Variants in CTBS observed in about 807,000 individuals in gnomAD.
CTBS encodes di-N-acetylchitobiase.
CTBS carries 35 observed loss-of-function variants against 44.3 expected under a neutral mutation model. The ratio of observed to expected loss-of-function variants is 0.79; its 90% CI spans 0.60 to 1.05. The LOEUF (loss-of-function observed/expected upper bound fraction) is 1.05, where lower values mean the gene tolerates loss of function less well. CTBS is among the 50% of genes least tolerant of loss of function. The probability of loss-of-function intolerance (pLI) is 0.00; values close to 1 mark genes in which losing one functional copy is unlikely to be tolerated. For synonymous variants in CTBS, 143 were observed against 168.0 expected (o/e 0.85, Z 1.15); for missense variants, 458 against 475.3 (o/e 0.96, Z 0.34).
intron 3 of CTBS, among the ~76,000 whole-genome samples, chr1:84,568,749 G>T (rs1314240778): frequency 6.6e-6 from 1 of 152,140 alleles, no homozygotes; most frequent in Non-Finnish European, 1.5e-5. Flanking sequence ...CTGTTCTCGT[G>T]ATAGAGTTCT....
rs2303307 is a variant in CTBS at position 84,574,272 on chromosome 1, G to A, written c.144C>T (p.Leu48=). Residue 48 remains leucine (L), a synonymous_variant, in exon 1 of 7, where the codon CTC becomes CTT. Coordinates refer to ENST00000370630, the MANE Select transcript of CTBS (RefSeq NM_004388.3). The stretch of plus-strand genomic sequence containing the variant: ...CTGGATGGTGGCGAATCGGGCGGCA[G>A]AGCTCAGGCTCCGGGCATGGGCAGT... ...GTDCPCPEPE[L]CRPIRHHPDF... 409,427 of 1,595,482 alleles carry A rather than the reference G, an allele frequency of 0.26. 54,208 individuals carry two copies. Among genetic ancestry groups the A allele is most frequent in the South Asian group, 0.39 (34,706 of 88,614 alleles).
Position 84,574,429 on chromosome 1 carries a change from G to A in CTBS, c.-14C>T, listed in dbSNP as rs879527266. On this transcript the variant is annotated 5_prime_UTR_variant, in exon 1 of 7. Coordinates refer to ENST00000370630, the MANE Select transcript of CTBS (RefSeq NM_004388.3). The stretch of plus-strand genomic sequence containing the variant: ...CGGCCGGGACATAGCAGCAGGTCTA[G>A]CGGGCCGGAGTGGGTTCCTACCGCC... 4.6e-6 allele frequency: 7 copies of A among 1,522,214 alleles called. No homozygotes were observed. Among genetic ancestry groups the A allele is most frequent in the Admixed American group, 2.2e-5 (1 of 46,236 alleles). The allele number at this position is 1,522,214 out of a possible 1,614,324, so 94.3% of individuals were successfully genotyped here.
intron 3 of CTBS, among the ~76,000 whole-genome samples, chr1:84,568,393 T>C (rs1033299054): frequency 1.3e-5 from 2 of 152,204 alleles, no homozygotes; most frequent in Admixed American, 6.5e-5. Context: ...TTAATCTACA[T>C]TGTACTCTCC....
intron 3 of CTBS, among the ~76,000 whole-genome samples, 191 bp downstream of exon 3, chr1:84,569,740 G>A (rs964802740): frequency 6.6e-6 from 1 of 152,214 alleles, no homozygotes; most frequent in African/African-American, 2.4e-5. Flanking sequence ...GCTGTGAATA[G>A]AGAATAGATT....
At position 84,563,847 on chromosome 1, in the gene CTBS, G is replaced by A. The variant is rs775129102; in HGVS notation, c.698-15C>T. The A allele has an allele frequency of 6.3e-7, 1 of 1,594,132 alleles. No individual in the cohort carries two copies. The highest frequency in any genetic ancestry group is 8.5e-7 in the Non-Finnish European group (1 of 1,170,736). On this transcript the variant is annotated splice_polypyrimidine_tract_variant and intron_variant, in intron 4 of 6. Coordinates refer to ENST00000370630, the MANE Select transcript of CTBS (RefSeq NM_004388.3). The stretch of plus-strand genomic sequence containing the variant: ...GTCATTATATCCTAGTCAAGCAGGA[G>A]AGAAAAAGCATATTTGTTTCTCTTC...
chr1:84,563,436 CTCA>C lies in CTBS; in HGVS notation c.796-21_796-19del, dbSNP rs555313581. 30 of 1,463,642 alleles carry C rather than the reference CTCA, an allele frequency of 2.0e-5. No homozygotes were observed. The East Asian group carries it at 7.7e-4, about 38-fold the overall frequency. 90.7% of individuals were successfully genotyped at this position (1,463,642 alleles called of 1,614,324 possible). ...ACATGATCCTAGAAATGCAAAAGTG[CTCA>C]TGTTATATATTATCAATTATGCAAT... On this transcript the variant is annotated intron_variant, in intron 5 of 6. Transcript: ENST00000370630.
rs746654178 is a variant in CTBS, at chr1:84,563,712, A to G, written c.795+23T>C. The G allele has an allele frequency of 3.6e-6, 5 of 1,380,582 alleles. No individual in the cohort carries two copies. In the Admixed American group the frequency reaches 1.1e-4, roughly 31 times the overall value. The allele number at this position is 1,380,582 out of a possible 1,614,324, so 85.5% of individuals were successfully genotyped here. ...AAAAATATAATAGATAATAAAAATT[A>G]TGTAACAAATGACTGTTCCTACCTC... is the stretch of plus-strand genomic sequence containing the variant. On this transcript the variant is annotated intron_variant, in intron 5 of 6. Transcript: ENST00000370630.
chr1:84,558,414 C>G (rs553396759), intron 6 of CTBS, among the ~76,000 whole-genome samples: 27 of 150,400 alleles, frequency 1.8e-4, no homozygotes, highest in Admixed American at 1.4e-3. Flanking sequence ...CTCAGCCTCC[C>G]AAGTAGCTGG....
At chr1:84,559,629 A>G (rs1229277126) in intron 6 of CTBS, among the ~76,000 whole-genome samples, 1 of 152,050 alleles carries the variant, frequency 6.6e-6, no homozygotes, top group Admixed American at 6.5e-5. Flanking sequence ...CTCAGAAAAA[A>G]AAGACTTAAT....
chr1:84,570,549 A>T, intron 2 of CTBS, 33 bp downstream of exon 2: 2 of 1,561,000 alleles, frequency 1.3e-6, no homozygotes, highest in Non-Finnish European at 1.7e-6. Context: ...AAATTTCCCA[A>T]TTGCTGCACA....
intron 6 of CTBS, among the ~76,000 whole-genome samples, chr1:84,557,555 A>AAAAAAAAAAAAAAAAG (rs1684477309): frequency 3.3e-5 from 3 of 90,836 alleles, no homozygotes; most frequent in Non-Finnish European, 5.4e-5. Flanking sequence ...AAAAAAAAAG[A>AAAAAAAAAAAAAAAAG]AAAAAAAAAA....
At chr1:84,570,830 G>C (rs1647279658) in intron 1 of CTBS, 110 bp from the exon 2 acceptor site, 4 of 1,052,808 alleles carry the variant, frequency 3.8e-6, no homozygotes, top group South Asian at 1.6e-5. Context: ...GTGGCAGTGA[G>C]AGTACAAGTG....
rs1684239476 is a variant in CTBS, at chr1:84,550,555, A to T, written c.*4444T>A. On this transcript the variant is annotated 3_prime_UTR_variant, in exon 7 of 7. Coordinates refer to ENST00000370630, the MANE Select transcript of CTBS (RefSeq NM_004388.3). ...GGTAATTTACATTTTTCCTAATCAG[A>T]TTATTATAACATTTATCTTGAAATA... The T allele has an allele frequency of 8.1e-6, 12 of 1,487,696 alleles. No individual in the cohort carries two copies. Among genetic ancestry groups the T allele is most frequent in the Non-Finnish European group, 1.1e-5 (12 of 1,114,744 alleles). The allele number at this position is 1,487,696 out of a possible 1,614,324, so 92.2% of individuals were successfully genotyped here. A position where few individuals can be genotyped will look rare whatever the true frequency, so the allele number is the denominator to read the frequency against.
In CTBS at chr1:84,551,310, T is replaced by TA. The variant is rs1233263828; in HGVS notation, c.*3688dup. The TA allele has an allele frequency of 6.2e-6, 6 of 970,660 alleles. No individual in the cohort carries two copies. The highest frequency in any genetic ancestry group is 6.2e-5 in the Admixed American group (1 of 16,186). The allele number at this position is 970,660 out of a possible 1,614,324, so 60.1% of individuals were successfully genotyped here. ...ACTGCATTCTAGAATTAGCTCTTTT[T>TA]AAAAAAATTTTAAAAAGAAAAAAGA... On this transcript the variant is annotated 3_prime_UTR_variant, in exon 7 of 7. Transcript: ENST00000370630.
intron 3 of CTBS, among the ~76,000 whole-genome samples, chr1:84,568,579 G>A (rs1050448752): frequency 6.6e-6 from 1 of 152,154 alleles, no homozygotes; most frequent in Non-Finnish European, 1.5e-5. Flanking sequence ...CAAAAATACA[G>A]TTCTCTAAGC....
rs1274732375 is a variant in CTBS, at chr1:84,549,825, T to C, written c.*5174A>G. ...TTTATTATTTTAAATAAATTTAATA[T>C]AAAGTCCAAATAGGCTCAAGTAATG... On this transcript the variant is annotated 3_prime_UTR_variant, in exon 7 of 7. Coordinates refer to ENST00000370630, the MANE Select transcript of CTBS (RefSeq NM_004388.3). The C allele has an allele frequency of 2.0e-5, 3 of 151,804 alleles. No individual in the cohort carries two copies. The highest frequency in any genetic ancestry group is 4.4e-5 in the Non-Finnish European group (3 of 67,876). The allele number at this position is 151,804 out of a possible 1,614,324, so 9.4% of individuals were successfully genotyped here.
chr1:84,554,915 T>C lies in CTBS; in HGVS notation c.*84A>G. On this transcript the variant is annotated 3_prime_UTR_variant, in exon 7 of 7. Transcript: ENST00000370630. ...TTTTAGTATACGGATAACAAAAGTA[T>C]ATAGCAACATAATAAAAATGCAAGA... 9.5e-7 allele frequency: 1 copy of C among 1,048,930 alleles called. No individual in the cohort carries two copies. The highest frequency in any genetic ancestry group is 1.4e-6 in the Non-Finnish European group (1 of 709,062). 65.0% of individuals were successfully genotyped at this position (1,048,930 alleles called of 1,614,324 possible). A position where few individuals can be genotyped will look rare whatever the true frequency, so the allele number is the denominator to read the frequency against.
In CTBS at chr1:84,553,160, TTAAA is replaced by T. The variant is rs1191786233; in HGVS notation, c.*1835_*1838del. 2 of 1,206,754 alleles carry T rather than the reference TTAAA, an allele frequency of 1.7e-6. No homozygotes were observed. The highest frequency in any genetic ancestry group is 2.3e-6 in the Non-Finnish European group (2 of 868,506). The allele number at this position is 1,206,754 out of a possible 1,614,324, so 74.8% of individuals were successfully genotyped here. On this transcript the variant is annotated 3_prime_UTR_variant, in exon 7 of 7. Transcript: ENST00000370630. ...TTAAAACTTTTATTTGTAAAAAAAT[TTAAA>T]TATGTATTTGAACAGATTTGTTTAA...
In CTBS at chr1:84,569,938, C is replaced by A. The variant is rs1647246653; in HGVS notation, c.518G>T (p.Gly173Val). The A allele has an allele frequency of 1.4e-5, 23 of 1,609,412 alleles. No individual in the cohort carries two copies. Among genetic ancestry groups the A allele is most frequent in the Non-Finnish European group, 2.0e-5 (23 of 1,179,098 alleles). The change falls in exon 3 of 7, where the codon GGA (glycine) becomes GTA (valine). Residue 173 changes from glycine (G) to valine (V), a missense_variant. Gly to Val is a moderately radical substitution (Grantham distance 109). Coordinates refer to ENST00000370630, the MANE Select transcript of CTBS (RefSeq NM_004388.3). Reference sequence around the variant, plus strand: ...AAATAAATGAGTTTTTACCTGTGATCCCTCAATTTCACGATGGAAAGAGTC... The same window carrying A: ...AAATAAATGAGTTTTTACCTGTGATACCTCAATTTCACGATGGAAAGAGTC... ...TTDSFHREIE[G>V]SQVTFDVAWS... is the part of the protein sequence containing the mutation.
Sources: gnomAD v4.1 joint callset for allele counts (sites outside exome capture counted in the v4.1 genomes callset) on GRCh38, gnomAD v4.1.1 for gene constraint, MANE v1.5 for transcripts, NCBI Gene and HGNC (gene_info 2026-07-23, HGNC 2026-07-21) for gene names.